Variants in PCM1 observed in about 807,000 individuals in gnomAD.
PCM1 encodes the protein pericentriolar material 1.
Under a neutral mutation model 241.9 loss-of-function variants are expected in PCM1, and 157 were observed. The observed-to-expected ratio is 0.65, with a 90% CI of 0.57 to 0.74. The LOEUF is 0.74. Among genes scored for constraint, PCM1 ranks in the 30% least tolerant of loss-of-function variants. The pLI, the probability that PCM1 is intolerant of heterozygous loss-of-function variation, is 0.00. For missense variants in PCM1, 3,478 were observed against 2,360.1 expected (o/e 1.47, Z -9.81); for synonymous variants, 1,085 against 784.9 (o/e 1.38, Z -6.39).
intron 8 of PCM1, among the ~76,000 whole-genome samples, chr8:17,952,506 G>A (rs2066456555): frequency 6.6e-6 from 1 of 152,086 alleles, no homozygotes; most frequent in African/African-American, 2.4e-5. Flanking sequence ...CACATCCATG[G>A]ATTCAACCAA....
At chr8:18,006,632 C>G (rs2091399311) in intron 30 of PCM1, among the ~76,000 whole-genome samples, 1 of 152,226 alleles carries the variant, frequency 6.6e-6, no homozygotes, top group African/African-American at 2.4e-5. Context: ...AGGCATGTCT[C>G]TTATAAGCTT....
At chr8:17,985,289 A>G (rs1385951174) in intron 24 of PCM1, among the ~76,000 whole-genome samples, 158 bp from the exon 25 acceptor site, 3 of 151,810 alleles carry the variant, frequency 2.0e-5, no homozygotes, top group Non-Finnish European at 3.0e-5. Flanking sequence ...TTATCTTGGT[A>G]ATATTAAGCT....
At chr8:17,997,825 G>A (rs1460126693) in intron 29 of PCM1, among the ~76,000 whole-genome samples, 3 of 149,700 alleles carry the variant, frequency 2.0e-5, no homozygotes, top group Non-Finnish European at 3.0e-5. Flanking sequence ...AGGAGTTTGA[G>A]ACCAGCCTGG....
intron 36 of PCM1, among the ~76,000 whole-genome samples, chr8:18,022,153 A>G (rs573143151): frequency 6.6e-6 from 1 of 152,102 alleles, no homozygotes; most frequent in Non-Finnish European, 1.5e-5. Context: ...AAGTAGAGAG[A>G]GCTTCCTTAG....
In PCM1 at chr8:17,962,163, G is replaced by C. The variant is rs760782909; in HGVS notation, c.2452G>C (p.Val818Leu). The stretch of plus-strand genomic sequence containing the variant: ...TTTTGAGCCTGAAGATTCTTCAATA[G>C]TAGATAATGAGGTATTGTAAATTGT... The part of the protein sequence containing the change: ...SVFEPEDSSI[V>L]DNELWSEMRR... The change falls in exon 16 of 39, where the codon GTA becomes CTA. Residue 818 changes from valine (V) to leucine (L), a missense_variant. Coordinates refer to ENST00000325083, the MANE Select transcript of PCM1 (RefSeq NM_006197.4). 4.4e-6 allele frequency: 7 copies of C among 1,604,370 alleles called. No individual in the cohort carries two copies. In the South Asian group the frequency reaches 7.8e-5, roughly 18 times the overall value.
chr8:18,016,118 G>A (rs910877156), intron 36 of PCM1, among the ~76,000 whole-genome samples: 44 of 152,266 alleles, frequency 2.9e-4, no homozygotes, highest in Admixed American at 2.4e-3. Context: ...TCGATCTCCT[G>A]ACATTGTAAT....
Position 17,959,161 on chromosome 8 carries a change from T to C in PCM1, c.2041-853T>C, listed in dbSNP as rs995333339. On this transcript the variant is annotated intron_variant, in intron 13 of 38. Coordinates refer to ENST00000325083, the MANE Select transcript of PCM1 (RefSeq NM_006197.4). The stretch of plus-strand genomic sequence containing the variant: ...CGTTTTGTGGTATGTTTCTTTGTTT[T>C]TACAAACTGTATATATAATACACTA... 2.6e-5 allele frequency among the ~76,000 whole-genome samples: 4 copies of C among 152,172 alleles called. No individual in the cohort carries two copies. In the East Asian group the frequency reaches 5.8e-4, roughly 22 times the overall value.
In PCM1 at chr8:17,962,066, C is replaced by A; in HGVS notation, c.2355C>A (p.Thr785=). 6.2e-7 allele frequency: 1 copy of A among 1,610,274 alleles called. No homozygotes were observed. Among genetic ancestry groups the A allele is most frequent in the Non-Finnish European group, 8.5e-7 (1 of 1,177,740 alleles). The change falls in exon 16 of 39, where the codon ACC becomes ACA. Residue 785 remains threonine (T), a synonymous_variant. Transcript: ENST00000325083. ...CTGCTAGTGTGGGTAACTGTCCCAC[C>A]AAAAAATATATGCCAGCTGTTACTT... ...LSAASVGNCP[T]KKYMPAVTST...
chr8:17,968,786 C>T (rs1210062501), intron 21 of PCM1, among the ~76,000 whole-genome samples: 1 of 139,692 alleles, frequency 7.2e-6, no homozygotes, highest in Non-Finnish European at 1.5e-5. Context: ...ATACACACCA[C>T]AGTGTTTTTT....
chr8:17,971,003 T>G (rs1419061632), intron 22 of PCM1, among the ~76,000 whole-genome samples: 1 of 152,156 alleles, frequency 6.6e-6, no homozygotes, highest in Admixed American at 6.6e-5. Flanking sequence ...CATATAGTGT[T>G]TATCATAGCC....
chr8:18,005,304 T>G (rs1256595638), intron 29 of PCM1, among the ~76,000 whole-genome samples: 1 of 151,918 alleles, frequency 6.6e-6, no homozygotes, highest in Non-Finnish European at 1.5e-5. Context: ...CGTATCTGAC[T>G]CCTGCATAGT....
In PCM1 at chr8:18,007,805, G is replaced by A. The variant is rs370143113; in HGVS notation, c.4962+1408G>A. 2.6e-4 allele frequency among the ~76,000 whole-genome samples: 39 copies of A among 152,216 alleles called. No homozygotes were observed. In the East Asian group the frequency reaches 6.8e-3, roughly 26 times the overall value. ...TCCACAAAGCACCCAGCATATGTACGTTTTTACCATAACTGTACTAGATAA... is the reference window on the plus strand; with the variant it reads ...TCCACAAAGCACCCAGCATATGTACATTTTTACCATAACTGTACTAGATAA... On this transcript the variant is annotated intron_variant, in intron 30 of 38. Coordinates refer to ENST00000325083, the MANE Select transcript of PCM1 (RefSeq NM_006197.4).
At chr8:17,933,289 T>G (rs758081593) in intron 2 of PCM1, among the ~76,000 whole-genome samples, 1 of 152,214 alleles carries the variant, frequency 6.6e-6, no homozygotes, top group Non-Finnish European at 1.5e-5. Flanking sequence ...AGTACTGATT[T>G]AACCATATAG....
Position 17,967,026 on chromosome 8 carries a change from C to G in PCM1, c.3268C>G (p.Pro1090Ala). ...ACTTATGCGCCAGCAAAATCAGCAT[C>G]CAGAAAAACCTGGAGGCAAGGAAAG... Reference protein sequence around the residue: ...NELMRQQNQHPEKPGGKERGS... With the variant: ...NELMRQQNQHAEKPGGKERGS... The change falls in exon 21 of 39, where the codon CCA becomes GCA. Residue 1090 changes from proline (P) to alanine (A), a missense_variant. Transcript: ENST00000325083. 6.2e-7 allele frequency: 1 copy of G among 1,609,148 alleles called. No individual in the cohort carries two copies. Among genetic ancestry groups the G allele is most frequent in the Non-Finnish European group, 8.5e-7 (1 of 1,177,614 alleles).
chr8:18,022,385 A>T (rs2093826097), intron 36 of PCM1, among the ~76,000 whole-genome samples: 1 of 152,226 alleles, frequency 6.6e-6, no homozygotes, highest in African/African-American at 2.4e-5. Context: ...CTAAGGTCTG[A>T]TGTTCAAAGA....
chr8:18,014,405 A>G (rs898282158), intron 35 of PCM1, among the ~76,000 whole-genome samples, 179 bp from the exon 36 acceptor site: 2 of 152,172 alleles, frequency 1.3e-5, no homozygotes, highest in Admixed American at 1.3e-4. Flanking sequence ...AAATGCTCCC[A>G]GGTGATTTTG....
At chr8:18,018,509 G>A (rs2093435379) in intron 36 of PCM1, among the ~76,000 whole-genome samples, 1 of 152,124 alleles carries the variant, frequency 6.6e-6, no homozygotes, top group Non-Finnish European at 1.5e-5. Context: ...CCTTGTACTT[G>A]TCTCTATAAT....
chr8:18,014,356 T>A (rs2092909186), intron 35 of PCM1, among the ~76,000 whole-genome samples: 1 of 151,048 alleles, frequency 6.6e-6, no homozygotes, highest in African/African-American at 2.4e-5. Context: ...AAGTCCTAAT[T>A]TTTTAGAAAT....
intron 15 of PCM1, among the ~76,000 whole-genome samples, chr8:17,961,533 A>G (rs1005590130): frequency 1.3e-5 from 2 of 151,990 alleles, no homozygotes; most frequent in Admixed American, 6.5e-5. Context: ...AGATGGTCTC[A>G]GTCTCCTGCC....
Sources: gnomAD v4.1 joint callset for allele counts (sites outside exome capture counted in the v4.1 genomes callset) on GRCh38, gnomAD v4.1.1 for gene constraint, MANE v1.5 for transcripts, NCBI Gene and HGNC (gene_info 2026-07-23, HGNC 2026-07-21) for gene names.